FHIT: variants seen among roughly 807,000 people sequenced by gnomAD.
FHIT encodes the protein bis(5'-adenosyl)-triphosphatase.
FHIT carries 19 observed loss-of-function variants against 17.9 expected under a neutral mutation model. The observed-to-expected ratio is 1.06, with a 90% CI of 0.74 to 1.56. The LOEUF is 1.56. FHIT is among the 40% of genes most tolerant of loss of function. The probability of loss-of-function intolerance (pLI) is 0.00; values close to 1 mark genes in which losing one functional copy is unlikely to be tolerated. For missense variants in FHIT, 248 were observed against 189.2 expected, an observed-to-expected ratio of 1.31 and a Z score of -1.82; for synonymous variants, 81 against 69.7, an observed-to-expected ratio of 1.16 and a Z score of -0.81.
At chr3:60,276,010 T>C (rs1177848220) in intron 5 of FHIT, among the ~76,000 whole-genome samples, 3 of 145,398 alleles carry the variant, frequency 2.1e-5, no homozygotes, top group East Asian at 4.2e-4. Context: ...TTTTTTGAGA[T>C]GGAGTCTCGC....
rs77650811 is a variant in FHIT at position 61,110,501 on chromosome 3, C to T, written c.-163-68402G>A. ...CCTCATGGCATTTATCACTTTCTAA[C>T]CCAATATCCTTCCTTCCTTTCCTCC... On this transcript the variant is annotated intron_variant, in intron 2 of 9. Coordinates refer to ENST00000492590, the MANE Select transcript of FHIT (RefSeq NM_002012.4). 7.2e-4 allele frequency among the ~76,000 whole-genome samples: 110 copies of T among 152,250 alleles called. 1 individual carries two copies. In the East Asian group the frequency reaches 9.7e-3, roughly 13 times the overall value.
At chr3:61,189,277 T>G (rs2038632103) in intron 2 of FHIT, among the ~76,000 whole-genome samples, 1 of 152,166 alleles carries the variant, frequency 6.6e-6, no homozygotes, top group Admixed American at 6.5e-5. Flanking sequence ...CAAGCATTCT[T>G]ATACACCAAT....
chr3:60,552,972 C>T (rs904864436), intron 4 of FHIT, among the ~76,000 whole-genome samples: 1 of 152,124 alleles, frequency 6.6e-6, no homozygotes, highest in East Asian at 1.9e-4. Flanking sequence ...TACATGGTCC[C>T]GGTCTGAGTG....
At chr3:60,345,909 A>T (rs983913421) in intron 5 of FHIT, among the ~76,000 whole-genome samples, 5 of 152,228 alleles carry the variant, frequency 3.3e-5, no homozygotes, top group African/African-American at 4.8e-5. Context: ...TTAAGCTAAC[A>T]TTTCTTACTT....
intron 7 of FHIT, among the ~76,000 whole-genome samples, chr3:60,005,211 T>TAA (rs1699877232): frequency 6.6e-6 from 1 of 152,176 alleles, no homozygotes; most frequent in Admixed American, 6.5e-5. Context: ...AAAAAGTAAA[T>TAA]AAGAACGTGA....
intron 5 of FHIT, among the ~76,000 whole-genome samples, chr3:60,240,549 CAAAT>C (rs1705072557): frequency 1.3e-5 from 2 of 152,108 alleles, no homozygotes; most frequent in South Asian, 2.1e-4. Context: ...CACGGAAGCA[CAAAT>C]AAACTGTCTC....
intron 5 of FHIT, among the ~76,000 whole-genome samples, chr3:60,264,463 CAACTT>C (rs202001755): frequency 0.023 from 3,505 of 152,022 alleles, 62 homozygotes; most frequent in Middle Eastern, 0.082. Context: ...TAGAAATACT[CAACTT>C]AAGAAAAGAC....
At chr3:60,071,620 A>T (rs1702775032) in intron 5 of FHIT, among the ~76,000 whole-genome samples, 1 of 152,152 alleles carries the variant, frequency 6.6e-6, no homozygotes, top group Non-Finnish European at 1.5e-5. Flanking sequence ...CTATCTGTTT[A>T]TGACCTGCAG....
chr3:59,799,953 A>G (rs72886683), intron 8 of FHIT, among the ~76,000 whole-genome samples: 3,149 of 152,298 alleles, frequency 0.021, 120 homozygotes, highest in African/African-American at 0.072. Flanking sequence ...AGAGAGACAT[A>G]ATACTTGAGA....
chr3:59,916,005 G>T (rs1226801225), intron 8 of FHIT, among the ~76,000 whole-genome samples: 1 of 152,000 alleles, frequency 6.6e-6, no homozygotes, highest in Non-Finnish European at 1.5e-5. Flanking sequence ...AATATTGAGT[G>T]TCAACTTGAT....
At position 61,131,520 on chromosome 3, in the gene FHIT, G is replaced by A. The variant is rs192903691; in HGVS notation, c.-164+69097C>T. Among the ~76,000 whole-genome samples, 280 of 152,294 alleles carry A rather than the reference G, an allele frequency of 1.8e-3. 2 individuals carry two copies. Among genetic ancestry groups the A allele is most frequent in the African/African-American group, 6.1e-3 (254 of 41,560 alleles). On this transcript the variant is annotated intron_variant, in intron 2 of 9. Coordinates refer to ENST00000492590, the MANE Select transcript of FHIT (RefSeq NM_002012.4). ...ACTCTTGTATCATTAAACATTCTTC[G>A]CAGCCTTGGTCAGGAGAGGACTGCG...
intron 5 of FHIT, among the ~76,000 whole-genome samples, chr3:60,169,297 C>A (rs916081019): frequency 6.6e-6 from 1 of 152,150 alleles, no homozygotes; most frequent in African/African-American, 2.4e-5. Context: ...TTCAGGGGTA[C>A]TGTAATACCC....
At chr3:61,001,078 A>G (rs568202017) in intron 3 of FHIT, among the ~76,000 whole-genome samples, 2 of 152,354 alleles carry the variant, frequency 1.3e-5, no homozygotes, top group South Asian at 2.1e-4. Context: ...CATTAGCCAT[A>G]AGAGAAATGC....
At chr3:61,197,946 G>C (rs2038901266) in intron 2 of FHIT, among the ~76,000 whole-genome samples, 1 of 151,970 alleles carries the variant, frequency 6.6e-6, no homozygotes, top group Non-Finnish European at 1.5e-5. Flanking sequence ...AGGAGTACTG[G>C]GAAGTTCAGC....
chr3:60,445,942 T>C (rs72876885), intron 5 of FHIT, among the ~76,000 whole-genome samples: 8,406 of 152,166 alleles, frequency 0.055, 782 homozygotes, highest in African/African-American at 0.19. Context: ...TGATAACATA[T>C]TCCTATCTTT....
chr3:61,196,263 T>A (rs1490074913), intron 2 of FHIT, among the ~76,000 whole-genome samples: 1 of 152,196 alleles, frequency 6.6e-6, no homozygotes, highest in Non-Finnish European at 1.5e-5. Flanking sequence ...AGTTTTTAAA[T>A]ATTTGCTATT....
chr3:60,334,615 A>C (rs1304990098), intron 5 of FHIT, among the ~76,000 whole-genome samples: 1 of 152,196 alleles, frequency 6.6e-6, no homozygotes, highest in East Asian at 1.9e-4. Context: ...GTGAAATGCC[A>C]TCTCTAACAA....
At chr3:61,000,248 T>C (rs930213284) in intron 3 of FHIT, among the ~76,000 whole-genome samples, 3 of 152,160 alleles carry the variant, frequency 2.0e-5, no homozygotes, top group African/African-American at 7.2e-5. Context: ...GATAAGCCCT[T>C]AGCTCCTAAA....
At chr3:59,754,892 C>T (rs1302211371) in intron 8 of FHIT, among the ~76,000 whole-genome samples, 3 of 152,032 alleles carry the variant, frequency 2.0e-5, no homozygotes, top group Non-Finnish European at 4.4e-5. Context: ...TTTAGAACAG[C>T]GGCACTCAAC....
Sources: gnomAD v4.1 joint callset for allele counts (sites outside exome capture counted in the v4.1 genomes callset) on GRCh38, gnomAD v4.1.1 for gene constraint, MANE v1.5 for transcripts, NCBI Gene and HGNC (gene_info 2026-07-23, HGNC 2026-07-21) for gene names.